Variants in EDA2R observed in about 807,000 individuals in gnomAD.
EDA2R encodes the protein tumor necrosis factor receptor superfamily member 27.
A neutral mutation model predicts 20.1 loss-of-function variants in EDA2R; 26 were observed. The observed-to-expected ratio is 1.30, with a 90% CI of 0.95 to 1.80. The LOEUF (loss-of-function observed/expected upper bound fraction) is 1.80, where lower values mean the gene tolerates loss of function less well. EDA2R is among the 40% of genes most tolerant of loss of function. The pLI, the probability that EDA2R is intolerant of heterozygous loss-of-function variation, is 0.00. For missense variants in EDA2R, 277 were observed against 228.7 expected (o/e 1.21, Z -1.36); for synonymous variants, 114 against 88.7 (o/e 1.29, Z -1.60).
At position 66,597,322 on chromosome X, in the gene EDA2R, A is replaced by T. The variant is rs1927628430; in HGVS notation, c.*782T>A. On this transcript the variant is annotated 3_prime_UTR_variant, in exon 7 of 7. Coordinates refer to ENST00000374719, the MANE Select transcript of EDA2R (RefSeq NM_021783.5). ...CATTTCAATAGAAAGAGGCATACTC[A>T]GATGTCCCTACATGGATTGAGGGCT... 1 of 112,433 alleles carries T rather than the reference A, an allele frequency of 8.9e-6. No homozygotes were observed. The highest frequency in any genetic ancestry group is 1.9e-5 in the Non-Finnish European group (1 of 53,291). 9.3% of individuals were successfully genotyped at this position (112,433 alleles called of 1,213,427 possible).
At chrX:66,615,709 G>A (rs1471950010) in intron 2 of EDA2R, among the ~76,000 whole-genome samples, 1 of 111,179 alleles carries the variant, frequency 9.0e-6, no homozygotes, top group African/African-American at 3.3e-5. Context: ...ATCTATTCTT[G>A]AAATACTCTG....
chrX:66,606,278 C>T lies in EDA2R; in HGVS notation c.88-1052G>A, dbSNP rs372943674. 1.1e-4 allele frequency among the ~76,000 whole-genome samples: 12 copies of T among 111,819 alleles called. No homozygotes were observed. The South Asian group carries it at 4.1e-3, about 38-fold the overall frequency. On this transcript the variant is annotated intron_variant, in intron 2 of 6. Coordinates refer to ENST00000374719, the MANE Select transcript of EDA2R (RefSeq NM_021783.5). The stretch of plus-strand genomic sequence containing the variant: ...TATTTCTCCTGGGAACACCATTAGC[C>T]AAAATTCTTTAACCCCACTGCAATG...
chrX:66,599,983 G>T (rs1439746014), intron 5 of EDA2R, 123 bp from the exon 6 acceptor site: 1 of 1,129,894 alleles, frequency 8.9e-7, no homozygotes, highest in African/African-American at 1.8e-5. Context: ...TCCTCTCCCT[G>T]GGGTCTAGAG....
At chrX:66,615,635 G>A (rs1931541154) in intron 2 of EDA2R, among the ~76,000 whole-genome samples, 1 of 111,108 alleles carries the variant, frequency 9.0e-6, no homozygotes, top group South Asian at 3.8e-4. Flanking sequence ...CATGTGGTTG[G>A]GCCTTGCTTT....
At chrX:66,621,274 C>G (rs1053440737) in intron 1 of EDA2R, among the ~76,000 whole-genome samples, 5 of 111,979 alleles carry the variant, frequency 4.5e-5, no homozygotes, top group African/African-American at 1.6e-4. Context: ...TGTGGAGAAA[C>G]TGGAACCCTT....
intron 1 of EDA2R, among the ~76,000 whole-genome samples, chrX:66,633,699 G>C (rs1934063394): frequency 9.0e-6 from 1 of 111,358 alleles, no homozygotes; most frequent in Non-Finnish European, 1.9e-5. Flanking sequence ...TGAGTCACTG[G>C]TCATGTACCA....
chrX:66,603,285 T>C (rs1326703108), intron 4 of EDA2R, among the ~76,000 whole-genome samples: 1 of 112,356 alleles, frequency 8.9e-6, no homozygotes, highest in Non-Finnish European at 1.9e-5. Context: ...CAATAGCATA[T>C]ATTGGTTATG....
chrX:66,600,088 C>G, intron 5 of EDA2R: 2 of 1,154,385 alleles, frequency 1.7e-6, no homozygotes, highest in African/African-American at 3.6e-5. Context: ...AGAAAATAAT[C>G]AATTTCTCTA....
In EDA2R at chrX:66,596,903, G is replaced by A. The variant is rs1927546357; in HGVS notation, c.*1201C>T. On this transcript the variant is annotated 3_prime_UTR_variant, in exon 7 of 7. Transcript: ENST00000374719. ...TCTAATCCTCAGTCCAGTACAATGG[G>A]ACCTTTTTGCTTTTTCCCAAGTCCT... 8.9e-6 allele frequency: 1 copy of A among 112,703 alleles called. No homozygotes were observed. The highest frequency in any genetic ancestry group is 9.3e-5 in the Admixed American group (1 of 10,697). The allele number at this position is 112,703 out of a possible 1,213,427, so 9.3% of individuals were successfully genotyped here.
chrX:66,632,895 T>C (rs1933973293), intron 1 of EDA2R, among the ~76,000 whole-genome samples: 1 of 112,225 alleles, frequency 8.9e-6, no homozygotes, highest in Admixed American at 9.4e-5. Context: ...GAATTTTAAC[T>C]GTTAGTGATA....
At chrX:66,608,653 T>A (rs1415086729) in intron 2 of EDA2R, among the ~76,000 whole-genome samples, 1 of 112,151 alleles carries the variant, frequency 8.9e-6, no homozygotes, top group Non-Finnish European at 1.9e-5. Context: ...AGCTGATTGA[T>A]ATCATTTGAC....
At chrX:66,637,565 A>T (rs1243840052) in intron 1 of EDA2R, among the ~76,000 whole-genome samples, 1 of 111,794 alleles carries the variant, frequency 8.9e-6, no homozygotes, top group Non-Finnish European at 1.9e-5. Flanking sequence ...CGCTAATCGT[A>T]CTCTAAAATC....
intron 5 of EDA2R, chrX:66,600,144 C>T (rs867526194): frequency 1.0e-6 from 1 of 988,239 alleles, no homozygotes; most frequent in Middle Eastern, 2.6e-4. Flanking sequence ...ATACCATCTC[C>T]CTTGCCATAA....
Position 66,616,162 on chromosome X carries a change from C to T in EDA2R, c.-10-132G>A, listed in dbSNP as rs186547102. 2.2e-4 allele frequency: 99 copies of T among 459,635 alleles called. 1 individual carries two copies. In the South Asian group the frequency reaches 2.8e-3, roughly 13 times the overall value. 37.9% of individuals were successfully genotyped at this position (459,635 alleles called of 1,213,427 possible). ...GAGATAGTAGGGACGAGGAAGCCAA[C>T]ACAAAAGAGTTAATGCTTATGTAGC... On this transcript the variant is annotated intron_variant, in intron 1 of 6. Transcript: ENST00000374719.
intron 1 of EDA2R, among the ~76,000 whole-genome samples, chrX:66,618,311 G>A (rs1183482401): frequency 8.9e-6 from 1 of 112,214 alleles, no homozygotes; most frequent in Non-Finnish European, 1.9e-5. Context: ...TTTTGAAGAG[G>A]TCAGGGCGTA....
intron 1 of EDA2R, among the ~76,000 whole-genome samples, chrX:66,618,133 C>T (rs1309109060): frequency 1.8e-5 from 2 of 112,079 alleles, no homozygotes; most frequent in Non-Finnish European, 3.8e-5. Context: ...GTGATCCACC[C>T]GCCTCGGCCT....
intron 6 of EDA2R, among the ~76,000 whole-genome samples, chrX:66,599,000 CCT>C (rs1263737208): frequency 7.2e-5 from 8 of 111,853 alleles, no homozygotes; most frequent in African/African-American, 2.6e-4. Flanking sequence ...ACTAACTTTC[CCT>C]CTCTGTGTCT....
At chrX:66,600,406 G>T (rs187119637) in intron 5 of EDA2R, among the ~76,000 whole-genome samples, 73 of 111,707 alleles carry the variant, frequency 6.5e-4, no homozygotes, top group Non-Finnish European at 1.3e-3. Context: ...ATGAGCCAAA[G>T]AATGTAAGTG....
chrX:66,632,285 G>T (rs1050120386), intron 1 of EDA2R, among the ~76,000 whole-genome samples: 6 of 111,181 alleles, frequency 5.4e-5, no homozygotes, highest in Non-Finnish European at 9.4e-5. Context: ...TTAGCCAGGC[G>T]TGGTGGTGCA....
Sources: allele counts gnomAD v4.1 joint callset (sites outside exome capture counted in the v4.1 genomes callset), GRCh38; gene constraint gnomAD v4.1.1; transcripts MANE v1.5; gene names NCBI Gene and HGNC (gene_info 2026-07-23, HGNC 2026-07-21).